COL15A1: variants seen among roughly 807,000 people sequenced by gnomAD.
The protein encoded by COL15A1 is collagen type XV alpha 1 chain.
In COL15A1, 111 loss-of-function variants were observed where a neutral mutation model predicts 165.9. That is an observed-to-expected ratio of 0.67 (90% CI 0.57 to 0.78). The LOEUF (loss-of-function observed/expected upper bound fraction) is 0.78. COL15A1 is among the 30% of genes least tolerant of loss of function. The pLI, the probability that COL15A1 is intolerant of heterozygous loss-of-function variation, is 0.00. For synonymous variants in COL15A1, 659 were observed against 674.8 expected, an observed-to-expected ratio of 0.98 and a Z score of 0.36; for missense variants, 1,745 against 1,789.7, an observed-to-expected ratio of 0.98 and a Z score of 0.45.
At chr9:99,046,354 C>T (rs937450731) in intron 26 of COL15A1, among the ~76,000 whole-genome samples, 8 of 152,210 alleles carry the variant, frequency 5.3e-5, no homozygotes, top group African/African-American at 1.9e-4. Context: ...CTTCTTAGAA[C>T]TGTAGAACCT....
chr9:99,044,880 A>G, intron 26 of COL15A1, 110 bp downstream of exon 26: 1 of 1,023,040 alleles, frequency 9.8e-7, no homozygotes. Flanking sequence ...AAGATGTGGC[A>G]AAGATGTGCA....
intron 11 of COL15A1, among the ~76,000 whole-genome samples, chr9:99,018,936 C>T (rs1447221679): frequency 6.6e-6 from 1 of 152,008 alleles, no homozygotes; most frequent in African/African-American, 2.4e-5. Flanking sequence ...TGGTGGCTTA[C>T]AATTTTTATG....
intron 2 of COL15A1, among the ~76,000 whole-genome samples, chr9:98,972,738 C>T (rs1171616806): frequency 1.3e-5 from 2 of 152,118 alleles, no homozygotes; most frequent in African/African-American, 4.8e-5. Context: ...ATGCCCAGGG[C>T]CCATGTCTAA....
intron 2 of COL15A1, among the ~76,000 whole-genome samples, chr9:98,967,316 G>T (rs1824540062): frequency 6.6e-6 from 1 of 152,196 alleles, no homozygotes; most frequent in Non-Finnish European, 1.5e-5. Context: ...TCTCTGTACT[G>T]ACTTTCCCTG....
At chr9:98,995,617 AC>A (rs1385843715) in intron 5 of COL15A1, among the ~76,000 whole-genome samples, 1 of 150,872 alleles carries the variant, frequency 6.6e-6, no homozygotes, top group Non-Finnish European at 1.5e-5. Context: ...TCAACCCTCC[AC>A]CCCTGTGTTC....
In COL15A1 at chr9:99,069,128, T is replaced by C. The variant is rs1825942134; in HGVS notation, c.3953+458T>C. Reference sequence around the variant, plus strand: ...GCAAACCTCTCCTCACTGCCTACTCTATACGAGGCCTGAGGCCAGGCCTGG... The same window carrying C: ...GCAAACCTCTCCTCACTGCCTACTCCATACGAGGCCTGAGGCCAGGCCTGG... On this transcript the variant is annotated intron_variant, in intron 41 of 41. Coordinates refer to ENST00000375001, the MANE Select transcript of COL15A1 (RefSeq NM_001855.5). 2.0e-5 allele frequency among the ~76,000 whole-genome samples: 3 copies of C among 152,184 alleles called. No homozygotes were observed. In the South Asian group the frequency reaches 6.2e-4, roughly 32 times the overall value.
At chr9:98,972,815 G>A (rs1217655350) in intron 2 of COL15A1, among the ~76,000 whole-genome samples, 2 of 152,190 alleles carry the variant, frequency 1.3e-5, no homozygotes, top group Non-Finnish European at 2.9e-5. Context: ...GAGGAAGGAT[G>A]GAGGGGGACT....
intron 4 of COL15A1, among the ~76,000 whole-genome samples, chr9:98,987,623 G>T (rs7022586): frequency 6.6e-6 from 1 of 152,152 alleles, no homozygotes; most frequent in Non-Finnish European, 1.5e-5. Context: ...CTGCTTTCCC[G>T]CCTTCTTGCC....
At position 99,035,438 on chromosome 9, in the gene COL15A1, T is replaced by C. The variant is rs1281896745; in HGVS notation, c.2289+20T>C. On this transcript the variant is annotated intron_variant, in intron 19 of 41. Transcript: ENST00000375001. ...GCAATTGTAGGTCGCCTCTGAAACCTTCATTATGAGGGTTGTCACACTGTC... is the reference window on the plus strand; with the variant it reads ...GCAATTGTAGGTCGCCTCTGAAACCCTCATTATGAGGGTTGTCACACTGTC... 1.9e-6 allele frequency: 3 copies of C among 1,613,706 alleles called. No individual in the cohort carries two copies. The East Asian group carries it at 6.7e-5, about 36-fold the overall frequency.
chr9:99,000,074 T>C (rs1041905760), intron 6 of COL15A1, among the ~76,000 whole-genome samples: 1 of 152,196 alleles, frequency 6.6e-6, no homozygotes, highest in Non-Finnish European at 1.5e-5. Flanking sequence ...TTTCACCATG[T>C]TGGCCAGGCT....
At chr9:99,033,999 C>T (rs913019592) in intron 16 of COL15A1, among the ~76,000 whole-genome samples, 1 of 152,168 alleles carries the variant, frequency 6.6e-6, no homozygotes, top group Non-Finnish European at 1.5e-5. Context: ...GTGTGGTCCC[C>T]ACTGGGTGTG....
chr9:99,021,244 G>A (rs564516153), intron 12 of COL15A1, among the ~76,000 whole-genome samples: 39 of 152,266 alleles, frequency 2.6e-4, no homozygotes, highest in Middle Eastern at 3.4e-3. Context: ...TGATGCTCCC[G>A]TCCTGGGGCC....
In COL15A1 at chr9:98,989,187, G is replaced by C; in HGVS notation, c.733G>C (p.Glu245Gln). ...CDPEESSASG[E>Q]TSGLQEADGV... ...GTTTGTCTCCACACAGGCATCTGGA[G>C]AGACCAGTGGGCTGCAGGAGGCAGA... is the stretch of plus-strand genomic sequence containing the variant. Residue 245 changes from glutamate to glutamine, a missense_variant, in exon 5 of 42, where the codon GAG (glutamate) becomes CAG (glutamine). Physicochemically the swap from Glu to Gln is conservative, Grantham distance 29. Transcript: ENST00000375001. 1 of 1,614,092 alleles carries C rather than the reference G, an allele frequency of 6.2e-7. No individual in the cohort carries two copies. Among genetic ancestry groups the C allele is most frequent in the Non-Finnish European group, 8.5e-7 (1 of 1,179,926 alleles).
At chr9:99,059,679 A>G (rs572509415) in intron 35 of COL15A1, among the ~76,000 whole-genome samples, 1 of 152,358 alleles carries the variant, frequency 6.6e-6, no homozygotes, top group East Asian at 1.9e-4. Flanking sequence ...ATCCAGGGTA[A>G]CAATCAAGAA....
intron 21 of COL15A1, among the ~76,000 whole-genome samples, chr9:99,037,322 A>T (rs994612590): frequency 1.1e-4 from 16 of 152,132 alleles, no homozygotes; most frequent in African/African-American, 3.9e-4. Flanking sequence ...GCTGAATGAA[A>T]TGTTTGGTGT....
intron 14 of COL15A1, among the ~76,000 whole-genome samples, chr9:99,023,847 G>T (rs1457056428): frequency 1.3e-5 from 2 of 152,036 alleles, no homozygotes; most frequent in African/African-American, 4.8e-5. Flanking sequence ...TCTCTGGGTG[G>T]CTATTCTACT....
chr9:99,056,306 C>T lies in COL15A1; in HGVS notation c.3239C>T (p.Ala1080Val), dbSNP rs1413405955. ...GTTGGGCCCCAAGGACCCCCAGGTG[C>T]TCCTGGTCTGCCTGGGCCACCTGGC... ...TVVGPQGPPG[A>V]PGLPGPPGFG... The change falls in exon 35 of 42, where the codon GCT (alanine) becomes GTT (valine). Residue 1080 changes from alanine (A) to valine (V), a missense_variant. Coordinates refer to ENST00000375001, the MANE Select transcript of COL15A1 (RefSeq NM_001855.5). 3 of 1,614,104 alleles carry T rather than the reference C, an allele frequency of 1.9e-6. No homozygotes were observed. The highest frequency in any genetic ancestry group is 1.7e-5 in the Admixed American group (1 of 60,034).
intron 16 of COL15A1, among the ~76,000 whole-genome samples, chr9:99,030,145 A>G (rs946841270): frequency 7.2e-5 from 11 of 152,200 alleles, no homozygotes; most frequent in South Asian, 2.1e-4. Flanking sequence ...AATCCAATTC[A>G]CCACAGTAAG....
intron 4 of COL15A1, 67 bp downstream of exon 4, chr9:98,987,435 A>T: frequency 7.0e-7 from 1 of 1,428,652 alleles, no homozygotes; most frequent in Non-Finnish European, 9.6e-7. Context: ...GGAGGGCTGG[A>T]TGCCCAGACA....
Sources: allele counts gnomAD v4.1 joint callset (sites outside exome capture counted in the v4.1 genomes callset), GRCh38; gene constraint gnomAD v4.1.1; transcripts MANE v1.5; gene names NCBI Gene and HGNC (gene_info 2026-07-23, HGNC 2026-07-21).